UBE2K: variants seen among roughly 807,000 people sequenced by gnomAD.
The protein encoded by UBE2K is ubiquitin-conjugating enzyme E2 K.
A neutral mutation model predicts 30.0 loss-of-function variants in UBE2K; 6 were observed. The observed-to-expected ratio is 0.20, with a 90% CI of 0.11 to 0.39. The LOEUF is 0.39. Among genes scored for constraint, UBE2K ranks in the 10% least tolerant of loss-of-function variants. UBE2K has a pLI of 1.00. For missense variants in UBE2K, 61 were observed against 241.6 expected (o/e 0.25, Z 4.96); for synonymous variants, 86 against 83.7 (o/e 1.03, Z -0.15).
intron 3 of UBE2K, among the ~76,000 whole-genome samples, chr4:39,755,256 T>C (rs1721468275): frequency 6.6e-6 from 1 of 152,226 alleles, no homozygotes; most frequent in Non-Finnish European, 1.5e-5. Flanking sequence ...CTTACTTTTT[T>C]CCTCAAACCT....
intron 1 of UBE2K, among the ~76,000 whole-genome samples, chr4:39,716,117 CTATCCTTTATAAAATAT>C (rs949042161): frequency 6.6e-6 from 1 of 152,234 alleles, no homozygotes; most frequent in Non-Finnish European, 1.5e-5. Context: ...ACCTCTGTTA[CTATCCTTTATAAAATAT>C]TGTCACTGAT....
intron 5 of UBE2K, 145 bp from the exon 6 acceptor site, chr4:39,777,537 T>C (rs1041495902): frequency 2.8e-6 from 2 of 714,742 alleles, no homozygotes; most frequent in Middle Eastern, 2.6e-4. Flanking sequence ...TCGAGTGACA[T>C]AGGTTGTCTA....
chr4:39,742,592 A>G lies in UBE2K; in HGVS notation c.158-3160A>G, dbSNP rs1009376153. Among the ~76,000 whole-genome samples, 10 of 152,124 alleles carry G rather than the reference A, an allele frequency of 6.6e-5. No homozygotes were observed. In the South Asian group the frequency reaches 1.4e-3, roughly 22 times the overall value. On this transcript the variant is annotated intron_variant, in intron 2 of 6. Coordinates refer to ENST00000261427, the MANE Select transcript of UBE2K (RefSeq NM_005339.5). ...TCTCTACTTAAAAAAAAATTAAAAA[A>G]TTAGCCAGGCATGGTGGCGCGCACC...
At chr4:39,704,423 CAA>C (rs376833821) in intron 1 of UBE2K, among the ~76,000 whole-genome samples, 1 of 151,942 alleles carries the variant, frequency 6.6e-6, no homozygotes, top group Non-Finnish European at 1.5e-5. Context: ...TAAAAAAAAT[CAA>C]AGTCTGTGCA....
At chr4:39,708,328 A>G (rs955437249) in intron 1 of UBE2K, among the ~76,000 whole-genome samples, 1 of 152,086 alleles carries the variant, frequency 6.6e-6, no homozygotes, top group African/African-American at 2.4e-5. Flanking sequence ...CAGCTCTTAC[A>G]TACTCAAACA....
intron 4 of UBE2K, among the ~76,000 whole-genome samples, chr4:39,760,126 G>A (rs556410220): frequency 1.2e-4 from 14 of 121,460 alleles, no homozygotes; most frequent in South Asian, 5.7e-4. Flanking sequence ...GCAGTGAGCC[G>A]ACATCGCGCC....
At chr4:39,740,005 G>A (rs912924230) in intron 2 of UBE2K, among the ~76,000 whole-genome samples, 5 of 152,014 alleles carry the variant, frequency 3.3e-5, no homozygotes, top group Non-Finnish European at 7.4e-5. Flanking sequence ...GCTTGGCTTG[G>A]TCTGGCAGTT....
chr4:39,730,399 G>A (rs1214643049), intron 1 of UBE2K, among the ~76,000 whole-genome samples: 1 of 151,992 alleles, frequency 6.6e-6, no homozygotes, highest in East Asian at 1.9e-4. Flanking sequence ...TGGCCCAGGC[G>A]GGTCTTAAGC....
intron 1 of UBE2K, chr4:39,714,540 A>ATTTTTTTT (rs1316202885): frequency 4.9e-5 from 1 of 20,554 alleles, no homozygotes; most frequent in South Asian, 2.1e-3. Context: ...ATATATATAT[A>ATTTTTTTT]TATATATATA....
chr4:39,738,959 G>A (rs1342831782), intron 2 of UBE2K, among the ~76,000 whole-genome samples: 1 of 152,018 alleles, frequency 6.6e-6, no homozygotes, highest in Non-Finnish European at 1.5e-5. Flanking sequence ...ACAGGCGTGA[G>A]CCACCAATCC....
At chr4:39,708,814 T>G (rs1718516034) in intron 1 of UBE2K, among the ~76,000 whole-genome samples, 1 of 152,000 alleles carries the variant, frequency 6.6e-6, no homozygotes, top group Non-Finnish European at 1.5e-5. Context: ...AGTTTAGTCA[T>G]AATAAGTAGT....
chr4:39,757,020 T>G lies in UBE2K; in HGVS notation c.299+1281T>G, dbSNP rs1396889435. Among the ~76,000 whole-genome samples, 27 of 96,590 alleles carry G rather than the reference T, an allele frequency of 2.8e-4. 1 individual carries two copies. The highest frequency in any genetic ancestry group is 1.2e-3 in the African/African-American group (27 of 22,146). 63.4% of individuals were successfully genotyped at this position (96,590 alleles called of 152,430 possible). On this transcript the variant is annotated intron_variant, in intron 4 of 6. Coordinates refer to ENST00000261427, the MANE Select transcript of UBE2K (RefSeq NM_005339.5). ...TGGGTGTTTTTTTTTTGTTTTTTGT[T>G]TTTTGTTTTTTGTTTTTTTTTTGAG...
At chr4:39,704,519 C>G (rs1426090038) in intron 1 of UBE2K, among the ~76,000 whole-genome samples, 1 of 151,922 alleles carries the variant, frequency 6.6e-6, no homozygotes, top group Admixed American at 6.6e-5. Context: ...TTAGACACAT[C>G]TGGGCTCCCT....
At chr4:39,771,499 T>TCC in intron 4 of UBE2K, 1 of 1,463,386 alleles carries the variant, frequency 6.8e-7, no homozygotes, top group Non-Finnish European at 9.0e-7. Flanking sequence ...TCCCCTATTT[T>TCC]CCCCACCCCC....
At chr4:39,727,038 G>A (rs975448755) in intron 1 of UBE2K, among the ~76,000 whole-genome samples, 1 of 152,128 alleles carries the variant, frequency 6.6e-6, no homozygotes, top group Non-Finnish European at 1.5e-5. Flanking sequence ...GTCTTATTAT[G>A]TCCAACAAAA....
intron 1 of UBE2K, among the ~76,000 whole-genome samples, chr4:39,711,016 TATATCCTTCCCCTTC>T: frequency 6.6e-6 from 1 of 152,094 alleles, no homozygotes; most frequent in Non-Finnish European, 1.5e-5. Flanking sequence ...GAAGTTAGTG[TATATCCTTCCCCTTC>T]ATATTTTTGT....
intron 1 of UBE2K, among the ~76,000 whole-genome samples, chr4:39,702,221 CTTTTCTTTTCTTTTTTTTTTTTTT>C (rs1718055978): frequency 1.7e-5 from 1 of 58,644 alleles, no homozygotes; most frequent in African/African-American, 5.6e-5. Flanking sequence ...CTTTTCTTTT[CTTTTCTTTTCTTTTTTTTTTTTTT>C]TTTTTTTTTT....
At chr4:39,717,733 T>C (rs1359834988) in intron 1 of UBE2K, among the ~76,000 whole-genome samples, 1 of 152,090 alleles carries the variant, frequency 6.6e-6, no homozygotes, top group Non-Finnish European at 1.5e-5. Context: ...TTGCGGTGAG[T>C]GTTAACAGTT....
intron 1 of UBE2K, among the ~76,000 whole-genome samples, chr4:39,734,834 G>T (rs771502868): frequency 6.6e-6 from 1 of 152,066 alleles, no homozygotes; most frequent in African/African-American, 2.4e-5. Flanking sequence ...ATAATTTGGG[G>T]GTGATGTAGA....
Sources: allele counts gnomAD v4.1 joint callset (sites outside exome capture counted in the v4.1 genomes callset), GRCh38; gene constraint gnomAD v4.1.1; transcripts MANE v1.5; gene names NCBI Gene and HGNC (gene_info 2026-07-23, HGNC 2026-07-21).